OLFM3: variants seen among roughly 807,000 people sequenced by gnomAD.
OLFM3 encodes noelin-3.
A neutral mutation model predicts 48.6 loss-of-function variants in OLFM3; 20 were observed. The ratio of observed to expected loss-of-function variants is 0.41; its 90% CI spans 0.29 to 0.60. The LOEUF is 0.60. OLFM3 is among the 20% of genes least tolerant of loss of function. The pLI, the probability that OLFM3 is intolerant of heterozygous loss-of-function variation, is 0.28. For missense variants in OLFM3, 437 were observed against 544.3 expected (o/e 0.80, Z 1.96); for synonymous variants, 222 against 198.1 (o/e 1.12, Z -1.01).
intron 1 of OLFM3, among the ~76,000 whole-genome samples, chr1:101,984,980 G>A (rs1257286044): frequency 3.9e-5 from 6 of 152,210 alleles, no homozygotes; most frequent in Admixed American, 2.0e-4. Context: ...AAAACCTGAA[G>A]AGTCTTAGGA....
chr1:101,840,182 A>G (rs1016421698), intron 1 of OLFM3, among the ~76,000 whole-genome samples: 3 of 152,206 alleles, frequency 2.0e-5, no homozygotes. Context: ...TTTAACATAT[A>G]AGAACAATTA....
chr1:101,905,259 G>C (rs1373485086), intron 1 of OLFM3, among the ~76,000 whole-genome samples: 1 of 152,148 alleles, frequency 6.6e-6, no homozygotes, highest in Non-Finnish European at 1.5e-5. Flanking sequence ...CAGTTTTGAA[G>C]CAGTGAGAGT....
At chr1:101,952,838 A>G (rs116162687) in intron 1 of OLFM3, among the ~76,000 whole-genome samples, 39 of 152,192 alleles carry the variant, frequency 2.6e-4, no homozygotes, top group African/African-American at 9.2e-4. Flanking sequence ...TTAAAAATCA[A>G]AAGGACTCTG....
chr1:101,917,384 C>T (rs201494921), intron 1 of OLFM3, among the ~76,000 whole-genome samples: 1 of 151,566 alleles, frequency 6.6e-6, no homozygotes, highest in Non-Finnish European at 1.5e-5. Flanking sequence ...AACACTGCAC[C>T]AAAAATAAAA....
intron 4 of OLFM3, among the ~76,000 whole-genome samples, chr1:101,814,803 A>T (rs969336790): frequency 1.3e-5 from 2 of 152,224 alleles, no homozygotes; most frequent in Admixed American, 1.3e-4. Context: ...AAGATTAAAT[A>T]AAAAATATGG....
At chr1:101,860,422 T>C (rs1656604093) in intron 1 of OLFM3, among the ~76,000 whole-genome samples, 1 of 152,066 alleles carries the variant, frequency 6.6e-6, no homozygotes, top group African/African-American at 2.4e-5. Flanking sequence ...ATTTTAACAA[T>C]CTCATTATTT....
Position 101,846,856 on chromosome 1 carries a change from G to T in OLFM3, c.70-9831C>A, listed in dbSNP as rs41287302. ...CCGCAGTAACTTACTAAGGTATCCG[G>T]AGTCGACAGCCTCGTGGTGTTCAGT... On this transcript the variant is annotated intron_variant, in intron 1 of 5. Coordinates refer to ENST00000370103, the MANE Select transcript of OLFM3 (RefSeq NM_058170.4). 1.9e-6 allele frequency: 3 copies of T among 1,611,844 alleles called. No individual in the cohort carries two copies. The South Asian group carries it at 3.3e-5, about 18-fold the overall frequency.
At chr1:101,821,581 T>A (rs953618386) in intron 4 of OLFM3, among the ~76,000 whole-genome samples, 6 of 152,074 alleles carry the variant, frequency 3.9e-5, no homozygotes, top group African/African-American at 1.4e-4. Context: ...GCTCAATAAG[T>A]GGTTAATTGA....
At chr1:101,867,554 T>C (rs1656904152) in intron 1 of OLFM3, among the ~76,000 whole-genome samples, 1 of 152,154 alleles carries the variant, frequency 6.6e-6, no homozygotes, top group Non-Finnish European at 1.5e-5. Context: ...AGTTTTCTGT[T>C]TTCTGAGGCA....
At chr1:101,910,461 G>C (rs139073849) in intron 1 of OLFM3, among the ~76,000 whole-genome samples, 2 of 138,904 alleles carry the variant, frequency 1.4e-5, no homozygotes, top group Admixed American at 1.5e-4. Flanking sequence ...GCGAGACTCC[G>C]TCTCAACTGA....
chr1:101,982,932 A>ACACACACAC (rs3082464), intron 1 of OLFM3, among the ~76,000 whole-genome samples: 1 of 151,598 alleles, frequency 6.6e-6, no homozygotes, highest in Non-Finnish European at 1.5e-5. Flanking sequence ...ACACACACAC[A>ACACACACAC]ATTTATATAT....
intron 1 of OLFM3, among the ~76,000 whole-genome samples, chr1:101,920,565 A>G (rs1329334569): frequency 6.6e-6 from 1 of 152,230 alleles, no homozygotes; most frequent in Non-Finnish European, 1.5e-5. Context: ...GCAAAAATGC[A>G]GAGGGTTTAT....
chr1:101,933,201 CAAAAAAAAAAAA>C (rs761881274), intron 1 of OLFM3, among the ~76,000 whole-genome samples: 967 of 40,172 alleles, frequency 0.024, 25 homozygotes, highest in African/African-American at 0.084. Context: ...GACTCCATCT[CAAAAAAAAAAAA>C]AAAAAAAAAA....
rs1242187872 is a variant in OLFM3 at position 101,918,003 on chromosome 1, T to C, written c.69+78745A>G. ...AGAACATTGATTAAAAAAAACCACA[T>C]TTTATCGTTCTTCCCTTTGGGAGTT... On this transcript the variant is annotated intron_variant, in intron 1 of 5. Transcript: ENST00000370103. Among the ~76,000 whole-genome samples, 3 of 152,220 alleles carry C rather than the reference T, an allele frequency of 2.0e-5. No homozygotes were observed. In the East Asian group the frequency reaches 5.8e-4, roughly 29 times the overall value.
chr1:101,885,411 G>A (rs1021757574), intron 1 of OLFM3, among the ~76,000 whole-genome samples: 1 of 151,820 alleles, frequency 6.6e-6, no homozygotes, highest in Non-Finnish European at 1.5e-5. Flanking sequence ...AAAAAGGATT[G>A]GTACCATATG....
chr1:101,875,544 AATAAAGTC>A (rs1198839511), intron 1 of OLFM3, among the ~76,000 whole-genome samples: 1 of 152,040 alleles, frequency 6.6e-6, no homozygotes, highest in African/African-American at 2.4e-5. Context: ...TTCTCTAAAA[AATAAAGTC>A]TGTTAATTAA....
Position 101,828,399 on chromosome 1 carries a change from T to C in OLFM3, c.372+2273A>G, listed in dbSNP as rs1382016188. Among the ~76,000 whole-genome samples, 4 of 152,192 alleles carry C rather than the reference T, an allele frequency of 2.6e-5. No homozygotes were observed. In the East Asian group the frequency reaches 7.7e-4, roughly 29 times the overall value. ...TATTCTGAAAAATCATTATTGTTATTATCATTACTGTTATTTGGATTTTGA... is the reference window on the plus strand; with the variant it reads ...TATTCTGAAAAATCATTATTGTTATCATCATTACTGTTATTTGGATTTTGA... On this transcript the variant is annotated intron_variant, in intron 3 of 5. Coordinates refer to ENST00000370103, the MANE Select transcript of OLFM3 (RefSeq NM_058170.4).
chr1:101,940,742 A>G, intron 1 of OLFM3, among the ~76,000 whole-genome samples: 1 of 150,458 alleles, frequency 6.6e-6, no homozygotes, highest in South Asian at 2.1e-4. Flanking sequence ...TTGTATATAT[A>G]TGTATGTATA....
intron 3 of OLFM3, among the ~76,000 whole-genome samples, chr1:101,826,686 A>G (rs989225131): frequency 1.3e-5 from 2 of 152,222 alleles, no homozygotes; most frequent in African/African-American, 4.8e-5. Flanking sequence ...AAAGATTCAT[A>G]AATATCACAG....
Sources: allele counts gnomAD v4.1 joint callset (sites outside exome capture counted in the v4.1 genomes callset), GRCh38; gene constraint gnomAD v4.1.1; transcripts MANE v1.5; gene names NCBI Gene and HGNC (gene_info 2026-07-23, HGNC 2026-07-21).